Variants in AKAP13 observed in about 807,000 individuals in gnomAD.
AKAP13 encodes A-kinase anchor protein 13.
AKAP13 carries 80 observed loss-of-function variants against 264.5 expected under a neutral mutation model. The observed-to-expected ratio is 0.30, with a 90% CI of 0.25 to 0.36. The LOEUF is 0.36. Among genes scored for constraint, AKAP13 ranks in the 10% least tolerant of loss-of-function variants. AKAP13 has a pLI of 1.00. For synonymous variants in AKAP13, 1,380 were observed against 1,250.2 expected (o/e 1.10, Z -2.19); for missense variants, 3,712 against 3,435.2 (o/e 1.08, Z -2.01).
intron 3 of AKAP13, among the ~76,000 whole-genome samples, chr15:85,526,929 CT>C (rs2077069087): frequency 6.6e-6 from 1 of 150,440 alleles, no homozygotes; most frequent in East Asian, 1.9e-4. Context: ...GGAAAAAAAT[CT>C]GTTGTCTACT....
chr15:85,442,896 G>A (rs4843058), intron 1 of AKAP13, among the ~76,000 whole-genome samples: 37,958 of 151,918 alleles, frequency 0.25, 6,336 homozygotes, highest in Middle Eastern at 0.37. Flanking sequence ...GCTAGGCCTT[G>A]TATCCCAGAA....
At chr15:85,710,455 G>A in intron 18 of AKAP13, 124 bp from the exon 19 acceptor site, 1 of 792,356 alleles carries the variant, frequency 1.3e-6, no homozygotes, top group East Asian at 2.8e-5. Context: ...TGGGACACAG[G>A]GTGCTTAGGG....
At chr15:85,643,518 T>C (rs147514019) in intron 9 of AKAP13, among the ~76,000 whole-genome samples, 11 of 152,258 alleles carry the variant, frequency 7.2e-5, no homozygotes, top group Non-Finnish European at 1.3e-4. Context: ...ACAACATAAT[T>C]ACCATCCAGG....
At chr15:85,497,855 A>T (rs944397722) in intron 2 of AKAP13, among the ~76,000 whole-genome samples, 2 of 152,152 alleles carry the variant, frequency 1.3e-5, no homozygotes, top group African/African-American at 2.4e-5. Context: ...GACCAGGCAA[A>T]TAGTAGCATG....
At chr15:85,711,374 A>G (rs2151699532) in intron 19 of AKAP13, among the ~76,000 whole-genome samples, 1 of 152,168 alleles carries the variant, frequency 6.6e-6, no homozygotes, top group Middle Eastern at 3.4e-3. Context: ...TCCCTGTCTC[A>G]TTCCTACTTT....
At chr15:85,418,987 TAAG>T (rs1395236153) in intron 1 of AKAP13, among the ~76,000 whole-genome samples, 1 of 152,188 alleles carries the variant, frequency 6.6e-6, no homozygotes, top group African/African-American at 2.4e-5. Flanking sequence ...GATGTTAAAA[TAAG>T]AAATGGATTC....
chr15:85,655,872 A>C, intron 11 of AKAP13, 85 bp downstream of exon 11: 1 of 1,499,410 alleles, frequency 6.7e-7, no homozygotes, highest in Non-Finnish European at 8.8e-7. Context: ...TGGTAAAAGA[A>C]TTTAGGAGAC....
chr15:85,713,177 G>A (rs961834755), intron 19 of AKAP13, among the ~76,000 whole-genome samples: 1 of 152,138 alleles, frequency 6.6e-6, no homozygotes, highest in African/African-American at 2.4e-5. Flanking sequence ...ATATGGATTG[G>A]TTACAAATAA....
chr15:85,627,805 T>C (rs2081496621), intron 8 of AKAP13: 1 of 152,276 alleles, frequency 6.6e-6, no homozygotes, highest in Admixed American at 6.5e-5. Flanking sequence ...TTCCTGCAGA[T>C]TCTTGAAGGA....
At chr15:85,743,369 A>T in intron 35 of AKAP13, 123 bp from the exon 36 acceptor site, 11 of 986,428 alleles carry the variant, frequency 1.1e-5, no homozygotes, top group Non-Finnish European at 1.5e-5. Flanking sequence ...AGCTCTGTAG[A>T]GTTCGCAGAG....
chr15:85,405,833 T>A (rs1303195038), intron 1 of AKAP13, among the ~76,000 whole-genome samples: 1 of 152,150 alleles, frequency 6.6e-6, no homozygotes, highest in Non-Finnish European at 1.5e-5. Context: ...ACTGGTAGAA[T>A]ACCTGCCCTC....
intron 13 of AKAP13, among the ~76,000 whole-genome samples, chr15:85,665,524 T>C (rs1242888783): frequency 6.6e-6 from 1 of 152,224 alleles, no homozygotes; most frequent in African/African-American, 2.4e-5. Context: ...AGAATTCTTT[T>C]TTTAAAAAAT....
intron 2 of AKAP13, among the ~76,000 whole-genome samples, chr15:85,520,489 A>C (rs2076777777): frequency 1.5e-5 from 2 of 136,992 alleles, no homozygotes; most frequent in East Asian, 2.1e-4. Context: ...CAAGAGGGAA[A>C]CTCCGTCTCA....
At chr15:85,415,394 C>T (rs1567045671) in intron 1 of AKAP13, 14 of 1,605,566 alleles carry the variant, frequency 8.7e-6, no homozygotes, top group African/African-American at 6.7e-5. Context: ...CCATAAAAAC[C>T]GAGAGCACTT....
At chr15:85,392,938 T>C (rs1319855350) in intron 1 of AKAP13, among the ~76,000 whole-genome samples, 2 of 152,232 alleles carry the variant, frequency 1.3e-5, no homozygotes, top group African/African-American at 4.8e-5. Context: ...TCCCAGGTGA[T>C]AGCTGTCCTA....
At chr15:85,604,559 G>A (rs1384726818) in intron 8 of AKAP13, among the ~76,000 whole-genome samples, 2 of 152,036 alleles carry the variant, frequency 1.3e-5, no homozygotes, top group East Asian at 3.9e-4. Flanking sequence ...TGCCTCCCGG[G>A]TTCAAGCAAT....
chr15:85,729,512 C>G (rs1183010865), intron 29 of AKAP13, among the ~76,000 whole-genome samples: 1 of 152,010 alleles, frequency 6.6e-6, no homozygotes, highest in East Asian at 1.9e-4. Context: ...TAGAGGTGGC[C>G]ACGTGGGCGC....
chr15:85,544,172 G>A (rs770150328), intron 5 of AKAP13: 33 of 686,464 alleles, frequency 4.8e-5, no homozygotes, highest in East Asian at 8.5e-5. Flanking sequence ...TTTCTCTCTC[G>A]TCTGCCTGCC....
intron 24 of AKAP13, 43 bp downstream of exon 24, chr15:85,722,159 C>G: frequency 6.2e-7 from 1 of 1,611,884 alleles, no homozygotes; most frequent in Non-Finnish European, 8.5e-7. Context: ...TGTTGAGAGC[C>G]ATGTGTCCCT....
Sources: gnomAD v4.1 joint callset for allele counts (sites outside exome capture counted in the v4.1 genomes callset) on GRCh38, gnomAD v4.1.1 for gene constraint, MANE v1.5 for transcripts, NCBI Gene and HGNC (gene_info 2026-07-23, HGNC 2026-07-21) for gene names.